The following NUP210 variants were observed in gnomAD, a reference collection of about 807,000 sequenced individuals.
NUP210 encodes the protein nuclear pore membrane glycoprotein 210.
Under a neutral mutation model 196.0 loss-of-function variants are expected in NUP210, and 151 were observed. That is an observed-to-expected ratio of 0.77 (90% CI 0.67 to 0.88). The LOEUF is 0.88. Among genes scored for constraint, NUP210 ranks in the 40% least tolerant of loss-of-function variants. NUP210 has a pLI of 0.00. For synonymous variants in NUP210, 1,070 were observed against 1,052.7 expected, an observed-to-expected ratio of 1.02 and a Z score of -0.32; for missense variants, 2,314 against 2,493.7, an observed-to-expected ratio of 0.93 and a Z score of 1.53.
At position 13,376,161 on chromosome 3, in the gene NUP210, T is replaced by C; in HGVS notation, c.1293+130A>G. ...AGGAAAATAGAACCCAGGATGCAAG[T>C]AGCCCAAACAGGAAAAGGGATGCAG... On this transcript the variant is annotated intron_variant, in intron 10 of 39. Transcript: ENST00000254508. 3 of 857,442 alleles carry C rather than the reference T, an allele frequency of 3.5e-6. 1 individual carries two copies. Among genetic ancestry groups the C allele is most frequent in the Middle Eastern group, 7.2e-4 (2 of 2,774 alleles). 53.1% of individuals were successfully genotyped at this position (857,442 alleles called of 1,614,324 possible).
intron 16 of NUP210, among the ~76,000 whole-genome samples, chr3:13,355,248 C>A (rs1698129845): frequency 6.6e-6 from 1 of 152,200 alleles, no homozygotes; most frequent in Admixed American, 6.5e-5. Context: ...GGGGATCCTG[C>A]AGGAAGAACT....
chr3:13,415,419 C>T (rs77993505), intron 1 of NUP210, among the ~76,000 whole-genome samples: 13,935 of 152,168 alleles, frequency 0.092, 852 homozygotes, highest in Middle Eastern at 0.16. Context: ...GCCAGAAATG[C>T]CATCAAATAG....
chr3:13,340,460 G>A lies in NUP210; in HGVS notation c.3229-162C>T, dbSNP rs890721012. On this transcript the variant is annotated intron_variant, in intron 23 of 39. Transcript: ENST00000254508. The surrounding 1 kb of genome is among the most constrained non-coding windows in gnomAD (Gnocchi z 4.0). ...CCCAGGGTCCTGGGCCAATGCTGGG[G>A]GCTGTCTCCCAGCCACTGGCCGAGG... is the stretch of plus-strand genomic sequence containing the variant. 1.3e-5 allele frequency among the ~76,000 whole-genome samples: 2 copies of A among 152,154 alleles called. No individual in the cohort carries two copies. The highest frequency in any genetic ancestry group is 3.9e-4 in the East Asian group (2 of 5,172).
At chr3:13,398,042 A>G (rs1699722236) in intron 2 of NUP210, among the ~76,000 whole-genome samples, 2 of 152,376 alleles carry the variant, frequency 1.3e-5, no homozygotes, top group East Asian at 3.9e-4. Context: ...CAAGAGATAC[A>G]AAATTGTTCT....
chr3:13,373,890 A>G lies in NUP210; in HGVS notation c.1432-17T>C, dbSNP rs376371339. The G allele has an allele frequency of 4.3e-6, 7 of 1,611,442 alleles. No homozygotes were observed. The highest frequency in any genetic ancestry group is 4.5e-5 in the East Asian group (2 of 44,686). ...ACCGTGGGCCTGCGGAGGAAAAGCCATCACAGGACCAGCCACCCACCCTTA... is the reference window on the plus strand; with the variant it reads ...ACCGTGGGCCTGCGGAGGAAAAGCCGTCACAGGACCAGCCACCCACCCTTA... On this transcript the variant is annotated splice_polypyrimidine_tract_variant and intron_variant, in intron 11 of 39. Coordinates refer to ENST00000254508, the MANE Select transcript of NUP210 (RefSeq NM_024923.4).
At chr3:13,322,126 G>T in intron 35 of NUP210, 67 bp downstream of exon 35, 3 of 1,574,160 alleles carry the variant, frequency 1.9e-6, no homozygotes, top group Non-Finnish European at 2.6e-6. Context: ...GCACGTGGAA[G>T]CCGCAAGATG....
rs148238630 is a variant in NUP210, at chr3:13,377,402, G to A, written c.1152+54C>T. ...TTGGGGGCTGCTCTTCAGCAGCCGC[G>A]TCAGACAACGACCCCACCTCATCCC... On this transcript the variant is annotated intron_variant, in intron 9 of 39. Transcript: ENST00000254508. 155 of 1,313,260 alleles carry A rather than the reference G, an allele frequency of 1.2e-4. No individual in the cohort carries two copies. In the African/African-American group the frequency reaches 1.5e-3, roughly 13 times the overall value. The allele number at this position is 1,313,260 out of a possible 1,614,324, so 81.4% of individuals were successfully genotyped here.
chr3:13,375,320 T>A (rs78231043), intron 11 of NUP210, among the ~76,000 whole-genome samples, 184 bp downstream of exon 11: 49 of 152,200 alleles, frequency 3.2e-4, no homozygotes, highest in Non-Finnish European at 5.9e-4. Context: ...TTGGTTTTTG[T>A]TGTTTTTTTT....
chr3:13,401,259 C>CAAAAAAAAAAAAAAAAAAAAAA lies in NUP210; in HGVS notation c.168-1399_168-1398insTTTTTTTTTTTTTTTTTTTTTT, dbSNP rs71066952. On this transcript the variant is annotated intron_variant, in intron 1 of 39. Coordinates refer to ENST00000254508, the MANE Select transcript of NUP210 (RefSeq NM_024923.4). ...TGGGCAACAGAGTGAGACTCTGGCT[C>CAAAAAAAAAAAAAAAAAAAAAA]AAAAAAAAAAAAAAAAAAAAAGGCA... 1.8e-4 allele frequency among the ~76,000 whole-genome samples: 8 copies of CAAAAAAAAAAAAAAAAAAAAAA among 43,832 alleles called. 2 individuals carry two copies. Among genetic ancestry groups the CAAAAAAAAAAAAAAAAAAAAAA allele is most frequent in the Non-Finnish European group, 2.0e-4 (5 of 24,778 alleles). The allele number at this position is 43,832 out of a possible 152,430, so 28.8% of individuals were successfully genotyped here. A position where few individuals can be genotyped will look rare whatever the true frequency, so the allele number is the denominator to read the frequency against.
chr3:13,416,796 A>T (rs1344674128), intron 1 of NUP210, among the ~76,000 whole-genome samples: 2 of 152,180 alleles, frequency 1.3e-5, no homozygotes, highest in African/African-American at 4.8e-5. Flanking sequence ...GCAGGGGAGG[A>T]GGTTCCCGAG....
chr3:13,339,668 A>G (rs1323519628), intron 25 of NUP210, among the ~76,000 whole-genome samples, 186 bp downstream of exon 25: 2 of 152,144 alleles, frequency 1.3e-5, no homozygotes, highest in Non-Finnish European at 2.9e-5. Flanking sequence ...AGAACAACCA[A>G]TGGGGGTCTG....
intron 16 of NUP210, among the ~76,000 whole-genome samples, chr3:13,356,416 G>A (rs1698173984): frequency 6.6e-6 from 1 of 152,196 alleles, no homozygotes; most frequent in South Asian, 2.1e-4. Context: ...AGGCCGAGGT[G>A]GGCGGATCAC....
intron 37 of NUP210, 83 bp downstream of exon 37, chr3:13,319,680 A>G (rs554127320): frequency 1.3e-4 from 155 of 1,159,318 alleles, no homozygotes; most frequent in Admixed American, 6.7e-4. Flanking sequence ...CTTACACCTC[A>G]GGTTTCTACT....
In NUP210 at chr3:13,336,934, C is replaced by A; in HGVS notation, c.3553-16G>T. 1.9e-6 allele frequency: 3 copies of A among 1,612,586 alleles called. No individual in the cohort carries two copies. The South Asian group carries it at 3.3e-5, about 18-fold the overall frequency. On this transcript the variant is annotated splice_polypyrimidine_tract_variant and intron_variant, in intron 26 of 39. Coordinates refer to ENST00000254508, the MANE Select transcript of NUP210 (RefSeq NM_024923.4). ...AGATGGGCATCTGCAGGGGAGAAGT[C>A]AGGCCCAGTGAGCAGTAGCTCCCAG...
chr3:13,343,029 GGA>G (rs1697575016), intron 21 of NUP210, 144 bp downstream of exon 21: 2 of 930,150 alleles, frequency 2.2e-6, no homozygotes, highest in African/African-American at 1.6e-5. Context: ...GAAGGAGATG[GGA>G]GACAGCTCCG....
At chr3:13,365,270 T>C (rs530006957) in intron 14 of NUP210, among the ~76,000 whole-genome samples, 1 of 152,162 alleles carries the variant, frequency 6.6e-6, no homozygotes, top group Non-Finnish European at 1.5e-5. Context: ...CTCATTCCAT[T>C]TGTGAGCTCA....
Position 13,391,210 on chromosome 3 carries a change from C to G in NUP210, c.533+1G>C, listed in dbSNP as rs1468116719. 3.7e-6 allele frequency: 6 copies of G among 1,609,102 alleles called. No homozygotes were observed. The highest frequency in any genetic ancestry group is 5.1e-6 in the Non-Finnish European group (6 of 1,176,968). On this transcript the variant is annotated splice_donor_variant, in intron 4 of 39. Transcript: ENST00000254508. LOFTEE classifies it high-confidence loss of function. ...CCAGGCCTAGCAGAGGCACCCCTTA[C>G]CGCAGCGCATTGTGGGAGTCTGAGA... is the stretch of plus-strand genomic sequence containing the variant.
rs1211383216 is a variant in NUP210, at chr3:13,419,916, C to T, written c.167+144G>A. 1.7e-5 allele frequency: 6 copies of T among 358,304 alleles called. No individual in the cohort carries two copies. In the South Asian group the frequency reaches 5.7e-4, roughly 34 times the overall value. The allele number at this position is 358,304 out of a possible 1,614,324, so 22.2% of individuals were successfully genotyped here. ...GTGGTGGCGACCCACGCGCACCCGC[C>T]GCTCCGAGTGCTGCAGCCTAGCGCC... is the stretch of plus-strand genomic sequence containing the variant. On this transcript the variant is annotated intron_variant, in intron 1 of 39. Coordinates refer to ENST00000254508, the MANE Select transcript of NUP210 (RefSeq NM_024923.4).
rs148698489 is a variant in NUP210 at position 13,326,911 on chromosome 3, A to G, written c.4507+306T>C. 2.0e-5 allele frequency among the ~76,000 whole-genome samples: 3 copies of G among 152,394 alleles called. No homozygotes were observed. In the East Asian group the frequency reaches 5.8e-4, roughly 29 times the overall value. ...CTTTCTGTGAAGGTCGGACATAAGC[A>G]TTTGGGCTATGCAGCCCATACAATC... On this transcript the variant is annotated intron_variant, in intron 32 of 39. Coordinates refer to ENST00000254508, the MANE Select transcript of NUP210 (RefSeq NM_024923.4).
Sources: allele counts gnomAD v4.1 joint callset (sites outside exome capture counted in the v4.1 genomes callset), GRCh38; gene constraint gnomAD v4.1.1; non-coding constraint Gnocchi (gnomAD v3.1); transcripts MANE v1.5; gene names NCBI Gene and HGNC (gene_info 2026-07-23, HGNC 2026-07-21).